The following GREP1 variants were observed in gnomAD, a reference collection of about 807,000 sequenced individuals.
GREP1 encodes glycine-rich extracellular protein 1.
At chr16:2,994,603 C>T (rs907310029) in intron 10 of GREP1, 95 bp from the exon 12 acceptor site, 4 of 398,284 alleles carry the variant, frequency 1.0e-5, no homozygotes, top group African/African-American at 8.2e-5. Context: ...GCCTTTCTGG[C>T]TCGTTGAAGT....
exon 1 of GREP1, chr16:2,988,273 A>G: frequency 2.5e-6 from 1 of 399,050 alleles, no homozygotes; most frequent in Non-Finnish European, 4.4e-6. Flanking sequence ...CTCTGCCTAG[A>G]GTCATGGGCG....
At chr16:2,990,508 GCCTGCCTCCCTCCT>G (rs2072393138) in intron 6 of GREP1, 30 bp from the exon 6 acceptor site, 1 of 399,392 alleles carries the variant, frequency 2.5e-6, no homozygotes, top group Admixed American at 4.4e-5. Flanking sequence ...CCCAGCCCCT[GCCTGCCTCCCTCCT>G]CCTGACTCCC....
rs1596462324 is a variant in GREP1 at position 2,995,601 on chromosome 16, A to C, written c.554-18A>C. 1.5e-5 allele frequency: 6 copies of C among 397,318 alleles called. No homozygotes were observed. Among genetic ancestry groups the C allele is most frequent in the Non-Finnish European group, 2.7e-5 (6 of 225,718 alleles). 24.6% of individuals were successfully genotyped at this position (397,318 alleles called of 1,614,324 possible). A position where few individuals can be genotyped will look rare whatever the true frequency, so the allele number is the denominator to read the frequency against. Reference sequence around the variant, plus strand: ...CAACCAAACCCCAAATCCCCACCCCACCCTCCTCTCCCCATAGTCTTGACA... The same window carrying C: ...CAACCAAACCCCAAATCCCCACCCCCCCCTCCTCTCCCCATAGTCTTGACA... On this transcript the variant is annotated intron_variant, in intron 15 of 34. Coordinates refer to ENST00000573315, the Ensembl canonical transcript of GREP1.
intron 10 of GREP1, 154 bp from the exon 12 acceptor site, chr16:2,994,544 T>C: frequency 2.5e-6 from 1 of 397,766 alleles, no homozygotes; most frequent in Non-Finnish European, 4.4e-6. Flanking sequence ...ACCCAAGATG[T>C]GGCAGGAGCT....
At chr16:3,001,783 A>G in exon 35 of GREP1, 2 of 396,716 alleles carry the variant, frequency 5.0e-6, no homozygotes, top group East Asian at 7.1e-5. Context: ...CACCTCATTC[A>G]TTCATTTGGC....
Position 2,989,608 on chromosome 16 carries a change from G to T in GREP1, c.130+56G>T, listed in dbSNP as rs1240996297. The T allele has an allele frequency of 5.0e-6, 2 of 400,232 alleles. No homozygotes were observed. The highest frequency in any genetic ancestry group is 8.8e-6 in the Non-Finnish European group (2 of 227,038). 24.8% of individuals were successfully genotyped at this position (400,232 alleles called of 1,614,324 possible). A position where few individuals can be genotyped will look rare whatever the true frequency, so the allele number is the denominator to read the frequency against. On this transcript the variant is annotated intron_variant, in intron 3 of 34. Coordinates refer to ENST00000573315, the Ensembl canonical transcript of GREP1. The surrounding 1 kb of genome is among the most constrained non-coding windows in gnomAD (Gnocchi z 4.2). The stretch of plus-strand genomic sequence containing the variant: ...TGAGGGCAGGGCACGGGGCAGGGGG[G>T]AGGCAGGACAGGAACAGGGAAAGCT...
chr16:3,001,604 G>C (rs943926485), exon 35 of GREP1: 4 of 399,080 alleles, frequency 1.0e-5, no homozygotes, highest in African/African-American at 8.2e-5. Context: ...AATGCCCCTC[G>C]CCTGCCCAGC....
At chr16:2,996,345 T>G (rs62034562) in intron 18 of GREP1, among the ~76,000 whole-genome samples, 151 bp from the exon 18 acceptor site, 10,722 of 152,130 alleles carry the variant, frequency 0.07, 827 homozygotes, top group African/African-American at 0.19. Context: ...TGGCCGGATG[T>G]GGCTCTGCCT....
chr16:2,992,749 C>T lies in GREP1; in HGVS notation c.323-56C>T. On this transcript the variant is annotated intron_variant, in intron 8 of 34. Coordinates refer to ENST00000573315, the Ensembl canonical transcript of GREP1. This position sits in a 1 kb window ranked among gnomAD's most constrained non-coding sequence, Gnocchi z 4.9. ...GAAAGGGAGAGGGCAGGGCTCCAGG[C>T]CCCAGCTCATCCCCACTGCACCACC... 2 of 399,196 alleles carry T rather than the reference C, an allele frequency of 5.0e-6. No homozygotes were observed. Among genetic ancestry groups the T allele is most frequent in the Non-Finnish European group, 8.8e-6 (2 of 226,230 alleles). 24.7% of individuals were successfully genotyped at this position (399,196 alleles called of 1,614,324 possible).
rs1226554849 is a variant in GREP1, at chr16:2,994,924, C to T, written c.449-3C>T. 1.0e-5 allele frequency: 4 copies of T among 399,108 alleles called. No individual in the cohort carries two copies. Among genetic ancestry groups the T allele is most frequent in the African/African-American group, 4.1e-5 (2 of 48,630 alleles). 24.7% of individuals were successfully genotyped at this position (399,108 alleles called of 1,614,324 possible). ...CATACCCCGCCTTGATCTATTCCCC[C>T]AGGATTCCAGTACAGAATTGGGCTG... On this transcript the variant is annotated splice_polypyrimidine_tract_variant and splice_region_variant and intron_variant, in intron 12 of 34. Transcript: ENST00000573315.
chr16:3,000,809 G>GAGGC lies in GREP1; in HGVS notation c.1514_1517dup (p.Arg507GlyfsTer63). 2 of 399,146 alleles carry GAGGC rather than the reference G, an allele frequency of 5.0e-6. No homozygotes were observed. The highest frequency in any genetic ancestry group is 8.8e-6 in the Non-Finnish European group (2 of 226,188). The allele number at this position is 399,146 out of a possible 1,614,324, so 24.7% of individuals were successfully genotyped here. Reference sequence around the variant, plus strand: ...ATATCAGGCTGGAGATGAATATGCTGAGGCCAGGAGCCAGCCAGGTAACGG... The same window carrying GAGGC: ...ATATCAGGCTGGAGATGAATATGCTGAGGCAGGCCAGGAGCCAGCCAGGTAACGG... On this transcript the variant is annotated frameshift_variant, in exon 33 of 35. Transcript: ENST00000573315. LOFTEE classifies it high-confidence loss of function.
At position 2,992,666 on chromosome 16, in the gene GREP1, G is replaced by C; in HGVS notation, c.323-139G>C. 2.5e-6 allele frequency: 1 copy of C among 397,494 alleles called. No individual in the cohort carries two copies. Among genetic ancestry groups the C allele is most frequent in the East Asian group, 3.6e-5 (1 of 28,032 alleles). The allele number at this position is 397,494 out of a possible 1,614,324, so 24.6% of individuals were successfully genotyped here. A position where few individuals can be genotyped will look rare whatever the true frequency, so the allele number is the denominator to read the frequency against. On this transcript the variant is annotated intron_variant, in intron 8 of 34. Transcript: ENST00000573315. This position sits in a 1 kb window ranked among gnomAD's most constrained non-coding sequence, Gnocchi z 4.9. Reference sequence around the variant, plus strand: ...CCAAATCCAACTTTGACTGCAGTCAGGCCTGGGAGGGAGTTCACACAAGAC... The same window carrying C: ...CCAAATCCAACTTTGACTGCAGTCACGCCTGGGAGGGAGTTCACACAAGAC...
In GREP1 at chr16:2,998,391, G is replaced by A. The variant is rs957936646; in HGVS notation, c.982+3G>A. 7 of 399,162 alleles carry A rather than the reference G, an allele frequency of 1.8e-5. No homozygotes were observed. The highest frequency in any genetic ancestry group is 1.4e-4 in the African/African-American group (7 of 48,592). The allele number at this position is 399,162 out of a possible 1,614,324, so 24.7% of individuals were successfully genotyped here. On this transcript the variant is annotated splice_donor_region_variant and intron_variant, in intron 24 of 34. Transcript: ENST00000573315. ...GACCTTGAAGCCTCAGAAGTCAGGTGAGTGGGGGACCCCTGGCTCTGCCCC... is the reference window on the plus strand; with the variant it reads ...GACCTTGAAGCCTCAGAAGTCAGGTAAGTGGGGGACCCCTGGCTCTGCCCC...
chr16:2,988,330 G>C (rs952404405), exon 1 of GREP1: 4 of 399,254 alleles, frequency 1.0e-5, no homozygotes, highest in African/African-American at 8.2e-5. Flanking sequence ...TGACTTCCGA[G>C]AGCCTGCAAG....
rs574703029 is a variant in GREP1, at chr16:2,993,138, G to A, written c.385+175G>A. The A allele has an allele frequency of 8.4e-5, 33 of 390,986 alleles. No homozygotes were observed. In the Admixed American group the frequency reaches 1.3e-3, roughly 15 times the overall value. The allele number at this position is 390,986 out of a possible 1,614,324, so 24.2% of individuals were successfully genotyped here. A position where few individuals can be genotyped will look rare whatever the true frequency, so the allele number is the denominator to read the frequency against. On this transcript the variant is annotated intron_variant, in intron 10 of 34. Coordinates refer to ENST00000573315, the Ensembl canonical transcript of GREP1. ...TGGAACCCAGGCAGGTAAGGCCCTGGAGTTCTGGGAGCATGGAGGTCTTAG... is the reference window on the plus strand; with the variant it reads ...TGGAACCCAGGCAGGTAAGGCCCTGAAGTTCTGGGAGCATGGAGGTCTTAG...
At chr16:2,994,419 G>T (rs1262929042) in intron 10 of GREP1, 1 of 255,386 alleles carries the variant, frequency 3.9e-6, no homozygotes, top group Admixed American at 5.5e-5. Context: ...TGAGGCAGGA[G>T]AATTGCTTGA....
At chr16:2,990,235 C>T in intron 5 of GREP1, 113 bp downstream of exon 5, 1 of 398,108 alleles carries the variant, frequency 2.5e-6, no homozygotes, top group Non-Finnish European at 4.4e-6. Context: ...TTGCTGGTGT[C>T]TGGCTTAGTC....
chr16:2,998,451 T>G (rs2072439502), intron 24 of GREP1, 43 bp from the exon 23 acceptor site: 3 of 399,184 alleles, frequency 7.5e-6, no homozygotes, highest in Non-Finnish European at 1.3e-5. Context: ...TTCTAGCCTC[T>G]GCCCCCAGTG....
chr16:2,995,960 T>G, intron 18 of GREP1, 189 bp downstream of exon 17: 2 of 388,060 alleles, frequency 5.2e-6, no homozygotes, highest in African/African-American at 2.2e-5. Context: ...TGAGATGGAG[T>G]CTTGCTCTGT....
Sources: gnomAD v4.1 joint callset for allele counts (sites outside exome capture counted in the v4.1 genomes callset) on GRCh38, gnomAD v4.1.1 for gene constraint, Gnocchi (gnomAD v3.1) non-coding constraint, MANE v1.5 for transcripts, NCBI Gene and HGNC (gene_info 2026-07-23, HGNC 2026-07-21) for gene names.